CPT1C: variants seen among roughly 807,000 people sequenced by gnomAD.
CPT1C encodes palmitoyl thioesterase CPT1C.
A neutral mutation model predicts 97.3 loss-of-function variants in CPT1C; 61 were observed. That is an observed-to-expected ratio of 0.63 (90% CI 0.51 to 0.78). The LOEUF is 0.78. Ranked by LOEUF, CPT1C falls within the 30% of genes least tolerant of loss-of-function variation. The probability of loss-of-function intolerance (pLI) is 0.00; values close to 1 mark genes in which losing one functional copy is unlikely to be tolerated. For synonymous variants in CPT1C, 469 were observed against 447.2 expected, an observed-to-expected ratio of 1.05 and a Z score of -0.61; for missense variants, 975 against 1,065.5, an observed-to-expected ratio of 0.92 and a Z score of 1.18.
chr19:49,712,990 G>A lies in CPT1C; in HGVS notation c.2152G>A (p.Gly718Ser), dbSNP rs2084009659. The A allele has an allele frequency of 6.2e-7, 1 of 1,613,824 alleles. No homozygotes were observed. Among genetic ancestry groups the A allele is most frequent in the South Asian group, 1.1e-5 (1 of 91,078 alleles). ...GFGPADDHGY[G>S]VSYIFMGDGM... Reference sequence around the variant, plus strand: ...TCTCCAGGCTGATGACCATGGTTATGGTGTTTCTTATATCTTCATGGGGGA... The same window carrying A: ...TCTCCAGGCTGATGACCATGGTTATAGTGTTTCTTATATCTTCATGGGGGA... Residue 718 changes from glycine to serine, a missense_variant, in exon 19 of 20, where the codon GGT (glycine) becomes AGT (serine). Transcript: ENST00000598293.
rs186689784 is a variant in CPT1C at position 49,708,945 on chromosome 19, A to G, written c.1566+106A>G. 1.0e-4 allele frequency: 73 copies of G among 702,306 alleles called. No homozygotes were observed. The East Asian group carries it at 2.0e-3, about 19-fold the overall frequency. The allele number at this position is 702,306 out of a possible 1,614,324, so 43.5% of individuals were successfully genotyped here. A position where few individuals can be genotyped will look rare whatever the true frequency, so the allele number is the denominator to read the frequency against. ...GAACGTGAAAATCAACCCCATTCCT[A>G]CCCCCAACCCGAAACCCATGCTTCC... On this transcript the variant is annotated intron_variant, in intron 14 of 19. Transcript: ENST00000598293.
Position 49,706,170 on chromosome 19 carries a change from G to A in CPT1C, c.1161-61G>A. ...GCCAGTGTCCTGAGACTGTGGAAGG[G>A]CAGGGTGGGGCCAGGTGGCGGCTGG... On this transcript the variant is annotated intron_variant, in intron 11 of 19. Coordinates refer to ENST00000598293, the MANE Select transcript of CPT1C (RefSeq NM_001199753.2). The surrounding 1 kb of genome is among the most constrained non-coding windows in gnomAD (Gnocchi z 4.8). 6.4e-7 allele frequency: 1 copy of A among 1,555,342 alleles called. No homozygotes were observed. Among genetic ancestry groups the A allele is most frequent in the Non-Finnish European group, 8.7e-7 (1 of 1,150,040 alleles).
chr19:49,699,601 C>T (rs1332210544), intron 4 of CPT1C, among the ~76,000 whole-genome samples: 3 of 150,910 alleles, frequency 2.0e-5, no homozygotes, highest in African/African-American at 7.3e-5. Context: ...TTTAATGTAG[C>T]TTTAGACCAG....
intron 3 of CPT1C, among the ~76,000 whole-genome samples, chr19:49,694,385 C>T (rs2082538876): frequency 6.6e-6 from 1 of 152,096 alleles, no homozygotes. Context: ...AATCCCAGCA[C>T]TTTGGGAAGC....
chr19:49,712,593 T>A, intron 17 of CPT1C, 143 bp from the exon 18 acceptor site: 1 of 642,868 alleles, frequency 1.6e-6, no homozygotes, highest in Non-Finnish European at 2.8e-6. Context: ...AGATAGGGCG[T>A]GGTCAGGAGA....
intron 3 of CPT1C, among the ~76,000 whole-genome samples, chr19:49,693,171 C>G (rs1172283565): frequency 6.6e-6 from 1 of 152,192 alleles, no homozygotes; most frequent in Non-Finnish European, 1.5e-5. Context: ...AGCCACCGCG[C>G]CCGGCCCAAA....
intron 14 of CPT1C, 37 bp from the exon 15 acceptor site, chr19:49,710,283 T>C: frequency 1.9e-6 from 3 of 1,605,142 alleles, no homozygotes; most frequent in Non-Finnish European, 2.6e-6. Flanking sequence ...CCCCCATCTG[T>C]AACCCCAACT....
rs1396164676 is a variant in CPT1C, at chr19:49,702,112, ATT to A, written c.693+480_693+481del. Among the ~76,000 whole-genome samples, 8 of 17,378 alleles carry A rather than the reference ATT, an allele frequency of 4.6e-4. 1 individual carries two copies. Among genetic ancestry groups the A allele is most frequent in the Non-Finnish European group, 5.0e-4 (3 of 5,966 alleles). 11.4% of individuals were successfully genotyped at this position (17,378 alleles called of 152,430 possible). On this transcript the variant is annotated intron_variant, in intron 7 of 19. Coordinates refer to ENST00000598293, the MANE Select transcript of CPT1C (RefSeq NM_001199753.2). ...ATTTATTTATAAATTATAAATATATATTTATTTATTTATAAATTATAAATAAA... is the reference window on the plus strand; with the variant it reads ...ATTTATTTATAAATTATAAATATATATATTTATTTATAAATTATAAATAAA...
At position 49,706,424 on chromosome 19, in the gene CPT1C, C is replaced by T. The variant is rs1462904033; in HGVS notation, c.1343+11C>T. On this transcript the variant is annotated intron_variant, in intron 12 of 19. Coordinates refer to ENST00000598293, the MANE Select transcript of CPT1C (RefSeq NM_001199753.2). This position sits in a 1 kb window ranked among gnomAD's most constrained non-coding sequence, Gnocchi z 4.8. ...CCGGGGCCATGATCGGTGAGTGAGT[C>T]TTGGGATGGGGCCCCCAGATGTGGC... is the stretch of plus-strand genomic sequence containing the variant. The T allele has an allele frequency of 1.4e-6, 2 of 1,460,880 alleles. No homozygotes were observed. Among genetic ancestry groups the T allele is most frequent in the African/African-American group, 1.5e-5 (1 of 67,936 alleles). 90.5% of individuals were successfully genotyped at this position (1,460,880 alleles called of 1,614,324 possible). A position where few individuals can be genotyped will look rare whatever the true frequency, so the allele number is the denominator to read the frequency against.
At chr19:49,694,369 G>A (rs2037544302) in intron 3 of CPT1C, among the ~76,000 whole-genome samples, 2 of 151,958 alleles carry the variant, frequency 1.3e-5, no homozygotes, top group African/African-American at 4.8e-5. Flanking sequence ...GGTGGCTCAC[G>A]CCTGTAATCC....
Position 49,701,482 on chromosome 19 carries a change from T to A in CPT1C, c.556-15T>A. The A allele has an allele frequency of 6.3e-7, 1 of 1,599,566 alleles. No individual in the cohort carries two copies. Among genetic ancestry groups the A allele is most frequent in the Non-Finnish European group, 8.6e-7 (1 of 1,169,416 alleles). On this transcript the variant is annotated splice_polypyrimidine_tract_variant and intron_variant, in intron 6 of 19. Coordinates refer to ENST00000598293, the MANE Select transcript of CPT1C (RefSeq NM_001199753.2). ...GGCGGGCCGGGGGCGTGACCTGCCCTCTTCTCCCCTTTAGTACCTGGAGTC... is the reference window on the plus strand; with the variant it reads ...GGCGGGCCGGGGGCGTGACCTGCCCACTTCTCCCCTTTAGTACCTGGAGTC...
chr19:49,710,606 C>A (rs1190025519), intron 15 of CPT1C, 117 bp from the exon 16 acceptor site: 1 of 1,568,500 alleles, frequency 6.4e-7, no homozygotes, highest in Non-Finnish European at 8.8e-7. Context: ...TGAATTCTCT[C>A]TTCCAACCAT....
chr19:49,701,919 T>C (rs1255341886), intron 7 of CPT1C, among the ~76,000 whole-genome samples: 1 of 110,376 alleles, frequency 9.1e-6, no homozygotes, highest in African/African-American at 3.5e-5. Context: ...TTTATATTTA[T>C]ATACAAATAT....
intron 7 of CPT1C, among the ~76,000 whole-genome samples, chr19:49,703,400 C>T (rs2083301070): frequency 6.7e-6 from 1 of 150,030 alleles, no homozygotes; most frequent in South Asian, 2.1e-4. Context: ...TGGGGTTTCA[C>T]CGTGTTAGCC....
rs771574292 is a variant in CPT1C, at chr19:49,706,009, G to A, written c.1065G>A (p.Pro355=). 2.9e-5 allele frequency: 46 copies of A among 1,613,868 alleles called. No individual in the cohort carries two copies. Among genetic ancestry groups the A allele is most frequent in the East Asian group, 1.1e-4 (5 of 44,882 alleles). Residue 355 remains proline (P), a synonymous_variant, in exon 11 of 20, where the codon CCG becomes CCA. Coordinates refer to ENST00000598293, the MANE Select transcript of CPT1C (RefSeq NM_001199753.2). The surrounding 1 kb of genome is among the most constrained non-coding windows in gnomAD (Gnocchi z 4.8). The stretch of plus-strand genomic sequence containing the variant: ...ACTCCCGAAACAGCCTGCTTTCCCC[G>A]AGAGCCCTGGAGCAGCAGTTTCAGA... ...GTHSRNSLLS[P]RALEQQFQRI...
Position 49,707,589 on chromosome 19 carries a change from G to A in CPT1C, c.1415G>A (p.Trp472Ter). Residue 472 changes from tryptophan (W) to a stop codon, truncating the protein, a stop_gained, in exon 13 of 20, where the codon TGG becomes TAG. Transcript: ENST00000598293. LOFTEE classifies it high-confidence loss of function. ...CTGGGCCTCAGCGTGGAGCACTCCT[G>A]GGCCGACTGCCCCATCTCAGGACAC... is the stretch of plus-strand genomic sequence containing the variant. ...GKLGLSVEHS[W>*]ADCPISGHMW... 6.2e-7 allele frequency: 1 copy of A among 1,613,604 alleles called. No homozygotes were observed. The highest frequency in any genetic ancestry group is 8.5e-7 in the Non-Finnish European group (1 of 1,179,794).
At chr19:49,693,966 G>A (rs1015432715) in intron 3 of CPT1C, among the ~76,000 whole-genome samples, 6 of 152,226 alleles carry the variant, frequency 3.9e-5, no homozygotes, top group African/African-American at 1.4e-4. Context: ...TCAGGAGGCT[G>A]AGGCAGGAGA....
In CPT1C at chr19:49,701,633, ATG is replaced by A. The variant is rs751506066; in HGVS notation, c.693+2_693+3del. The A allele has an allele frequency of 3.1e-6, 5 of 1,594,854 alleles. No individual in the cohort carries two copies. The highest frequency in any genetic ancestry group is 2.3e-5 in the East Asian group (1 of 44,226). ...CTCAAGTCCTGGTGGGCGTCCAATT[ATG>A]TGAGTCCCGCCACCGCCACCAACGC... On this transcript the variant is annotated splice_donor_variant and coding_sequence_variant, in exon 7 of 20. Transcript: ENST00000598293. LOFTEE classifies it high-confidence loss of function.
At chr19:49,702,638 G>C (rs112936974) in intron 7 of CPT1C, among the ~76,000 whole-genome samples, 18,548 of 143,180 alleles carry the variant, frequency 0.13, 1,435 homozygotes, top group Non-Finnish European at 0.18. Flanking sequence ...AAAAAGAAAA[G>C]AAAAAAAAAA....
Sources: allele counts gnomAD v4.1 joint callset (sites outside exome capture counted in the v4.1 genomes callset), GRCh38; gene constraint gnomAD v4.1.1; non-coding constraint Gnocchi (gnomAD v3.1); transcripts MANE v1.5; gene names NCBI Gene and HGNC (gene_info 2026-07-23, HGNC 2026-07-21).